UNC13C: variants seen among roughly 807,000 people sequenced by gnomAD.
UNC13C encodes unc-13 homolog C.
A neutral mutation model predicts 245.4 loss-of-function variants in UNC13C; 174 were observed. That is an observed-to-expected ratio of 0.71 (90% CI 0.63 to 0.80). UNC13C has a LOEUF of 0.80. Among genes scored for constraint, UNC13C ranks in the 30% least tolerant of loss-of-function variants. The probability of loss-of-function intolerance (pLI) is 0.00; values close to 1 mark genes in which losing one functional copy is unlikely to be tolerated. For synonymous variants in UNC13C, 992 were observed against 895.1 expected (o/e 1.11, Z -1.93); for missense variants, 2,829 against 2,602.9 (o/e 1.09, Z -1.89).
intron 7 of UNC13C, among the ~76,000 whole-genome samples, chr15:54,246,071 G>T (rs2140855313): frequency 6.6e-6 from 1 of 152,260 alleles, no homozygotes; most frequent in Middle Eastern, 3.4e-3. Context: ...ATTGCTCTTG[G>T]CAGGTAGCCT....
At chr15:54,282,216 T>G (rs1237561404) in intron 10 of UNC13C, among the ~76,000 whole-genome samples, 1 of 152,348 alleles carries the variant, frequency 6.6e-6, no homozygotes, top group African/African-American at 2.4e-5. Flanking sequence ...GTTCTGATCA[T>G]GTATGTAGTT....
At chr15:54,268,736 G>T (rs1020214693) in intron 10 of UNC13C, among the ~76,000 whole-genome samples, 1 of 144,700 alleles carries the variant, frequency 6.9e-6, no homozygotes, top group Non-Finnish European at 1.5e-5. Flanking sequence ...TGAATTAGGA[G>T]GTTTTGTCTT....
chr15:54,395,421 C>T (rs2140921047), intron 18 of UNC13C, among the ~76,000 whole-genome samples: 1 of 151,914 alleles, frequency 6.6e-6, no homozygotes, highest in Admixed American at 6.6e-5. Context: ...GGGCTACTAG[C>T]TGGATTTGCA....
At chr15:54,048,520 G>A (rs1419712986) in intron 2 of UNC13C, 2 of 560,772 alleles carry the variant, frequency 3.6e-6, no homozygotes, top group East Asian at 4.1e-5. Flanking sequence ...ACCTTAGTAT[G>A]TGGGCCATTT....
intron 7 of UNC13C, 67 bp from the exon 8 acceptor site, chr15:54,250,153 GTTTGT>G: frequency 1.4e-6 from 2 of 1,415,404 alleles, no homozygotes; most frequent in Non-Finnish European, 2.0e-6. Flanking sequence ...TGATAAAATG[GTTTGT>G]TTTATTTTGA....
chr15:54,490,998 C>T (rs538350964), intron 19 of UNC13C, among the ~76,000 whole-genome samples: 1 of 152,304 alleles, frequency 6.6e-6, no homozygotes, highest in African/African-American at 2.4e-5. Context: ...AAAATCAAGG[C>T]ACTTGCCATA....
At chr15:54,559,355 A>G (rs986434292) in intron 29 of UNC13C, among the ~76,000 whole-genome samples, 3 of 152,034 alleles carry the variant, frequency 2.0e-5, no homozygotes, top group African/African-American at 7.2e-5. Flanking sequence ...CTATCCTGCT[A>G]TCTCCATTGT....
intron 2 of UNC13C, among the ~76,000 whole-genome samples, chr15:54,056,423 A>G (rs143668463): frequency 0.014 from 2,186 of 152,336 alleles, 30 homozygotes; most frequent in Middle Eastern, 0.027. Context: ...AAGAATAAAA[A>G]GAAATGCACA....
the UNC13C span, among the ~76,000 whole-genome samples, chr15:53,945,055 GTCT>G: frequency 7.5e-3 from 1,139 of 152,290 alleles, 11 homozygotes; most frequent in African/African-American, 0.026. Context: ...CTGCATGTAT[GTCT>G]TCTTTTGAAA....
chr15:53,983,132 TGATA>T (rs1387475523), intron 1 of UNC13C, among the ~76,000 whole-genome samples: 31 of 152,138 alleles, frequency 2.0e-4, no homozygotes, highest in Non-Finnish European at 1.0e-4. Flanking sequence ...GCTGTAGCTG[TGATA>T]GATGTTGAAG....
At chr15:54,485,309 C>G (rs538702476) in intron 19 of UNC13C, among the ~76,000 whole-genome samples, 1 of 152,192 alleles carries the variant, frequency 6.6e-6, no homozygotes. Context: ...TCTAAGCAAA[C>G]AAGATTGAGC....
chr15:54,062,427 C>CA (rs1332830010), intron 2 of UNC13C, among the ~76,000 whole-genome samples: 1 of 152,054 alleles, frequency 6.6e-6, no homozygotes, highest in African/African-American at 2.4e-5. Flanking sequence ...TCTAAACTGA[C>CA]ATGATTCTTC....
chr15:54,328,492 CA>C (rs1416247328), intron 14 of UNC13C, among the ~76,000 whole-genome samples: 2 of 152,016 alleles, frequency 1.3e-5, no homozygotes, highest in African/African-American at 4.8e-5. Flanking sequence ...TAGCACCTCC[CA>C]GGGGTGCTAA....
intron 17 of UNC13C, among the ~76,000 whole-genome samples, chr15:54,351,143 A>C (rs1029984073): frequency 6.6e-6 from 1 of 151,918 alleles, no homozygotes; most frequent in Non-Finnish European, 1.5e-5. Flanking sequence ...AAACATAATA[A>C]ATTGGAAACA....
At chr15:54,494,462 G>A (rs1156754999) in intron 19 of UNC13C, 146 bp from the exon 20 acceptor site, 3 of 666,610 alleles carry the variant, frequency 4.5e-6, no homozygotes, top group Non-Finnish European at 6.6e-6. Context: ...TAAAATTTTA[G>A]GTCAGCTTTT....
At chr15:54,102,790 G>T (rs1014769811) in intron 2 of UNC13C, among the ~76,000 whole-genome samples, 4 of 152,308 alleles carry the variant, frequency 2.6e-5, no homozygotes, top group African/African-American at 9.6e-5. Context: ...CACCCCAGGG[G>T]TGTTCACCCA....
chr15:53,879,873 A>C, the UNC13C span, among the ~76,000 whole-genome samples: 1 of 152,304 alleles, frequency 6.6e-6, no homozygotes, highest in East Asian at 1.9e-4. Flanking sequence ...AAACAAAATT[A>C]TTATTAGATA....
In UNC13C at chr15:54,013,698, G is replaced by A; in HGVS notation, c.795G>A (p.Gly265=). Residue 265 remains glycine, a synonymous_variant, in exon 2 of 33, where the codon GGG becomes GGA. Transcript: ENST00000260323. ...AAACAGAACTTTCTGAACTACGAGG[G>A]CACGTCAATGCTCTCAAGCACTCCA... The part of the protein sequence containing the change: ...QIETELSELR[G]HVNALKHSID... The A allele has an allele frequency of 2.5e-6, 4 of 1,613,572 alleles. No homozygotes were observed. Among genetic ancestry groups the A allele is most frequent in the South Asian group, 1.1e-5 (1 of 91,042 alleles).
At chr15:54,421,120 C>T (rs1287964172) in intron 19 of UNC13C, among the ~76,000 whole-genome samples, 7 of 151,884 alleles carry the variant, frequency 4.6e-5, no homozygotes, top group Non-Finnish European at 8.8e-5. Flanking sequence ...GAAATAAATA[C>T]TATCATTATC....
Sources: gnomAD v4.1 joint callset for allele counts (sites outside exome capture counted in the v4.1 genomes callset) on GRCh38, gnomAD v4.1.1 for gene constraint, MANE v1.5 for transcripts, NCBI Gene and HGNC (gene_info 2026-07-23, HGNC 2026-07-21) for gene names.